The following SCD5 variants were observed in gnomAD, a reference collection of about 807,000 sequenced individuals.
SCD5 encodes the protein acyl-CoA-desaturase 4.
Under a neutral mutation model 30.4 loss-of-function variants are expected in SCD5, and 20 were observed. The observed-to-expected ratio is 0.66, with a 90% CI of 0.46 to 0.96. SCD5 has a LOEUF of 0.96. Among genes scored for constraint, SCD5 ranks in the 40% least tolerant of loss-of-function variants. The pLI is 0.00. For missense variants in SCD5, 381 were observed against 443.3 expected, an observed-to-expected ratio of 0.86 and a Z score of 1.26; for synonymous variants, 173 against 176.4, an observed-to-expected ratio of 0.98 and a Z score of 0.16.
rs1722285485 is a variant in SCD5 at position 82,798,582 on chromosome 4, G to A, written c.-45C>T. On this transcript the variant is annotated 5_prime_UTR_variant, in exon 1 of 5. Coordinates refer to ENST00000319540, the MANE Select transcript of SCD5 (RefSeq NM_001037582.3). The stretch of plus-strand genomic sequence containing the variant: ...CCGCAGCAGCGGCAGGCAGGCAGGC[G>A]CTCTGCCCGAGCGGAGCTCGAGGGT... The A allele has an allele frequency of 1.3e-6, 2 of 1,501,358 alleles. No homozygotes were observed. The allele number at this position is 1,501,358 out of a possible 1,614,324, so 93.0% of individuals were successfully genotyped here. A position where few individuals can be genotyped will look rare whatever the true frequency, so the allele number is the denominator to read the frequency against.
At chr4:82,769,425 T>C (rs1721568810) in intron 1 of SCD5, among the ~76,000 whole-genome samples, 1 of 152,212 alleles carries the variant, frequency 6.6e-6, no homozygotes, top group African/African-American at 2.4e-5. Flanking sequence ...GAGTCCATAA[T>C]GTTTCACCAA....
intron 1 of SCD5, among the ~76,000 whole-genome samples, chr4:82,794,229 G>A (rs898190943): frequency 9.9e-5 from 15 of 152,280 alleles, no homozygotes; most frequent in African/African-American, 2.4e-5. Flanking sequence ...CAATGGTCAC[G>A]TTTGCGCCAA....
intron 2 of SCD5, among the ~76,000 whole-genome samples, chr4:82,704,537 C>T (rs1578029583): frequency 1.3e-5 from 2 of 152,286 alleles, no homozygotes; most frequent in African/African-American, 4.8e-5. Flanking sequence ...ATGGCCCAAT[C>T]CTAGTGCAGT....
In SCD5 at chr4:82,715,097, T is replaced by C. The variant is rs573063798; in HGVS notation, c.233-9684A>G. On this transcript the variant is annotated intron_variant, in intron 1 of 4. Transcript: ENST00000319540. The stretch of plus-strand genomic sequence containing the variant: ...ACTAAAAATGCAAAAATTAGCCGGG[T>C]GTGGTGGCACACGCCTGTAATCCCA... 3.3e-5 allele frequency among the ~76,000 whole-genome samples: 5 copies of C among 151,242 alleles called. No individual in the cohort carries two copies. In the South Asian group the frequency reaches 1.0e-3, roughly 32 times the overall value.
At chr4:82,688,863 CTT>C (rs930074878) in intron 2 of SCD5, among the ~76,000 whole-genome samples, 1 of 152,104 alleles carries the variant, frequency 6.6e-6, no homozygotes, top group Non-Finnish European at 1.5e-5. Flanking sequence ...TCAAATAAGA[CTT>C]TTCACTTTTA....
chr4:82,640,597 TCCTC>T (rs1394618696), intron 3 of SCD5, among the ~76,000 whole-genome samples: 1 of 152,124 alleles, frequency 6.6e-6, no homozygotes, highest in Non-Finnish European at 1.5e-5. Flanking sequence ...AGTCTAAAAA[TCCTC>T]CCTGACTATC....
chr4:82,721,356 A>G (rs376637094), intron 1 of SCD5, among the ~76,000 whole-genome samples: 22 of 152,298 alleles, frequency 1.4e-4, no homozygotes, highest in South Asian at 6.2e-4. Flanking sequence ...CAGCACACAA[A>G]TCTGCATCTC....
At chr4:82,722,860 A>G (rs10005144) in intron 1 of SCD5, among the ~76,000 whole-genome samples, 65,004 of 151,126 alleles carry the variant, frequency 0.43, 14,655 homozygotes, top group African/African-American at 0.57. Context: ...CTGAGGTCAG[A>G]AGTTCAAGAC....
chr4:82,736,217 G>A (rs1160526234), intron 1 of SCD5, among the ~76,000 whole-genome samples: 1 of 152,014 alleles, frequency 6.6e-6, no homozygotes, highest in East Asian at 1.9e-4. Context: ...GAGCCCAGGA[G>A]GCAGGAGTTG....
chr4:82,736,228 C>A (rs904393940), intron 1 of SCD5, among the ~76,000 whole-genome samples: 1 of 151,530 alleles, frequency 6.6e-6, no homozygotes, highest in Non-Finnish European at 1.5e-5. Flanking sequence ...GCAGGAGTTG[C>A]AGTGAGACAA....
At chr4:82,787,310 T>C (rs1280713946) in intron 1 of SCD5, among the ~76,000 whole-genome samples, 1 of 134,304 alleles carries the variant, frequency 7.4e-6, no homozygotes, top group Non-Finnish European at 1.5e-5. Context: ...GGTTTTCCCT[T>C]TTTTTTTTTT....
At position 82,707,068 on chromosome 4, in the gene SCD5, C is replaced by G. The variant is rs140905628; in HGVS notation, c.233-1655G>C. Among the ~76,000 whole-genome samples the G allele has an allele frequency of 1.7e-3, 265 of 152,352 alleles. 1 individual carries two copies. Among genetic ancestry groups the G allele is most frequent in the African/African-American group, 6.1e-3 (252 of 41,584 alleles). On this transcript the variant is annotated intron_variant, in intron 1 of 4. Transcript: ENST00000319540. Reference sequence around the variant, plus strand: ...TAATTCTCTGTTCTTAATTTCTCTTCTATGATCCTTGTGGAGACTCATATT... The same window carrying G: ...TAATTCTCTGTTCTTAATTTCTCTTGTATGATCCTTGTGGAGACTCATATT...
intron 1 of SCD5, among the ~76,000 whole-genome samples, chr4:82,719,112 A>C (rs1720299063): frequency 6.6e-6 from 1 of 151,758 alleles, no homozygotes; most frequent in African/African-American, 2.4e-5. Flanking sequence ...AACAATTAAA[A>C]ATAGGGAATT....
At chr4:82,753,542 G>A (rs1047151421) in intron 1 of SCD5, 10 of 425,762 alleles carry the variant, frequency 2.3e-5, no homozygotes, top group East Asian at 7.2e-5. Context: ...AGTCACCTGC[G>A]GGGAAGGGTT....
At chr4:82,672,304 A>G (rs557760572) in intron 3 of SCD5, among the ~76,000 whole-genome samples, 11 of 152,264 alleles carry the variant, frequency 7.2e-5, no homozygotes, top group South Asian at 2.1e-4. Context: ...ATAAGCCTCT[A>G]GCCAGACTAA....
rs375721868 is a variant in SCD5 at position 82,633,035 on chromosome 4, A to G, written c.803-1518T>C. On this transcript the variant is annotated intron_variant, in intron 4 of 4. Coordinates refer to ENST00000319540, the MANE Select transcript of SCD5 (RefSeq NM_001037582.3). ...TCTCTCAGTGATTTTCAAGAATACA[A>G]TACATTGTTATTGACTGTAGTCACT... 7.9e-5 allele frequency among the ~76,000 whole-genome samples: 12 copies of G among 152,286 alleles called. No homozygotes were observed. The East Asian group carries it at 2.1e-3, about 27-fold the overall frequency.
intron 1 of SCD5, among the ~76,000 whole-genome samples, chr4:82,710,471 G>T (rs1280450802): frequency 1.3e-5 from 2 of 152,086 alleles, no homozygotes; most frequent in East Asian, 1.9e-4. Context: ...GGTGAGAGCT[G>T]CCCCCTAGGC....
At chr4:82,734,941 C>CT (rs1720717440) in intron 1 of SCD5, among the ~76,000 whole-genome samples, 1 of 150,950 alleles carries the variant, frequency 6.6e-6, no homozygotes, top group Non-Finnish European at 1.5e-5. Context: ...ATTTTTTGTA[C>CT]TTTTTTTAGT....
At chr4:82,795,898 A>C (rs933790053) in intron 1 of SCD5, among the ~76,000 whole-genome samples, 1 of 151,312 alleles carries the variant, frequency 6.6e-6, no homozygotes, top group Non-Finnish European at 1.5e-5. Context: ...CTAAGTCACA[A>C]TTTTGGACCT....
Sources: gnomAD v4.1 joint callset for allele counts (sites outside exome capture counted in the v4.1 genomes callset) on GRCh38, gnomAD v4.1.1 for gene constraint, MANE v1.5 for transcripts, NCBI Gene and HGNC (gene_info 2026-07-23, HGNC 2026-07-21) for gene names.